The following RBPJ variants were observed in gnomAD, a reference collection of about 807,000 sequenced individuals.
RBPJ encodes the protein recombination signal binding protein for immunoglobulin kappa J region.
A neutral mutation model predicts 67.8 loss-of-function variants in RBPJ; 9 were observed. The observed-to-expected ratio is 0.13, with a 90% CI of 0.08 to 0.23. RBPJ has a LOEUF of 0.23. Ranked by LOEUF, RBPJ falls within the 10% of genes least tolerant of loss-of-function variation. The probability of loss-of-function intolerance (pLI) is 1.00; values close to 1 mark genes in which losing one functional copy is unlikely to be tolerated. For missense variants in RBPJ, 305 were observed against 595.6 expected (o/e 0.51, Z 5.08); for synonymous variants, 198 against 203.3 (o/e 0.97, Z 0.22).
intron 1 of RBPJ, among the ~76,000 whole-genome samples, chr4:26,354,692 G>A (rs561587183): frequency 6.6e-6 from 1 of 151,774 alleles, no homozygotes; most frequent in East Asian, 1.9e-4. Context: ...TCAAATGATC[G>A]GGTCGCCTTG....
chr4:26,380,857 TAGA>T (rs763606005), intron 1 of RBPJ, among the ~76,000 whole-genome samples: 34 of 152,058 alleles, frequency 2.2e-4, no homozygotes, highest in Non-Finnish European at 2.4e-4. Flanking sequence ...CTGTGTTAAA[TAGA>T]AGATTTGTGA....
the RBPJ span, among the ~76,000 whole-genome samples, chr4:26,135,850 G>C: frequency 1.1e-4 from 16 of 152,136 alleles, no homozygotes; most frequent in Admixed American, 9.8e-4. Context: ...GGTCATACCT[G>C]GCAGCTCTGC....
chr4:26,244,174 C>T (rs1326515106), intron 1 of RBPJ, among the ~76,000 whole-genome samples: 2 of 147,490 alleles, frequency 1.4e-5, no homozygotes, highest in African/African-American at 2.5e-5. Context: ...TATATGTATA[C>T]ACATATATGT....
chr4:26,388,701 A>G (rs1731176643), intron 2 of RBPJ, among the ~76,000 whole-genome samples: 1 of 152,206 alleles, frequency 6.6e-6, no homozygotes, highest in Admixed American at 6.5e-5. Context: ...TTCAGAATGG[A>G]CAAAGAGGAG....
In RBPJ at chr4:26,369,281, T is replaced by G. The variant is rs115370055; in HGVS notation, c.21-17072T>G. On this transcript the variant is annotated intron_variant, in intron 1 of 10. Transcript: ENST00000355476. Reference sequence around the variant, plus strand: ...TAGAAATTTGTCATCACTGAACTCTTGTGAGGTGGGGATTGGTACATCTGA... The same window carrying G: ...TAGAAATTTGTCATCACTGAACTCTGGTGAGGTGGGGATTGGTACATCTGA... Among the ~76,000 whole-genome samples the G allele has an allele frequency of 2.1e-3, 322 of 152,350 alleles. 3 individuals are homozygous for G. The highest frequency in any genetic ancestry group is 7.1e-3 in the African/African-American group (296 of 41,582).
chr4:26,205,439 CCTT>C (rs1168869417), intron 1 of RBPJ, among the ~76,000 whole-genome samples: 2 of 152,156 alleles, frequency 1.3e-5, no homozygotes, highest in Non-Finnish European at 2.9e-5. Flanking sequence ...ATTGCCCTCT[CCTT>C]GCCCCACCGC....
intron 2 of RBPJ, among the ~76,000 whole-genome samples, chr4:26,389,089 A>T (rs1731225641): frequency 6.6e-6 from 1 of 151,774 alleles, no homozygotes; most frequent in Non-Finnish European, 1.5e-5. Flanking sequence ...GTTAGCCAGG[A>T]GTTGTGGCAC....
Position 26,264,280 on chromosome 4 carries a change from A to G in RBPJ, c.-166-98166A>G, listed in dbSNP as rs1186847189. On this transcript the variant is annotated intron_variant, in intron 1 of 4. Coordinates refer to the RBPJ transcript ENST00000512351. The surrounding 1 kb of genome is among the most constrained non-coding windows in gnomAD (Gnocchi z 4.1). ...TACTTATTAATTCAAATCAATGAAT[A>G]CTTATTAATTCAGATCTTAGTAATT... Among the ~76,000 whole-genome samples the G allele has an allele frequency of 2.0e-5, 3 of 152,200 alleles. No homozygotes were observed. Among genetic ancestry groups the G allele is most frequent in the African/African-American group, 7.2e-5 (3 of 41,452 alleles).
intron 1 of RBPJ, among the ~76,000 whole-genome samples, chr4:26,325,684 C>T (rs145415732): frequency 3.8e-4 from 58 of 152,332 alleles, no homozygotes; most frequent in African/African-American, 1.3e-3. Flanking sequence ...TCCTCCATAA[C>T]TATTTCATCT....
At chr4:26,253,570 C>T (rs1460272829) in intron 1 of RBPJ, among the ~76,000 whole-genome samples, 3 of 151,338 alleles carry the variant, frequency 2.0e-5, no homozygotes, top group African/African-American at 4.9e-5. Flanking sequence ...CTCGGCCTCC[C>T]AAAGTGCTGG....
intron 1 of RBPJ, among the ~76,000 whole-genome samples, chr4:26,382,716 T>C (rs922218156): frequency 2.0e-5 from 3 of 152,166 alleles, no homozygotes; most frequent in Non-Finnish European, 4.4e-5. Context: ...ATTTTTTGTA[T>C]TTTTAGAAGA....
chr4:26,351,139 C>T (rs1726754120), intron 1 of RBPJ, among the ~76,000 whole-genome samples: 1 of 151,944 alleles, frequency 6.6e-6, no homozygotes, highest in Non-Finnish European at 1.5e-5. Flanking sequence ...TTTGCTCTAC[C>T]TTAATATGCT....
intron 2 of RBPJ, among the ~76,000 whole-genome samples, chr4:26,392,883 G>GAAAAAT (rs1246480544): frequency 2.0e-5 from 3 of 152,288 alleles, no homozygotes; most frequent in East Asian, 3.9e-4. Flanking sequence ...TTCTGAAAGG[G>GAAAAAT]ATTAGTGTAT....
At chr4:26,360,303 C>A (rs1008856903) in intron 1 of RBPJ, among the ~76,000 whole-genome samples, 11 of 152,200 alleles carry the variant, frequency 7.2e-5, no homozygotes, top group Non-Finnish European at 1.0e-4. Context: ...TTCTTCCATT[C>A]ATTCAACAAA....
rs148373937 is a variant in RBPJ at position 26,308,283 on chromosome 4, A to G, written c.-166-54163A>G. 7.2e-3 allele frequency among the ~76,000 whole-genome samples: 1,093 copies of G among 152,332 alleles called. 23 individuals carry two copies. Among genetic ancestry groups the G allele is most frequent in the Admixed American group, 0.023 (358 of 15,292 alleles). On this transcript the variant is annotated intron_variant, in intron 1 of 4. Coordinates refer to the RBPJ transcript ENST00000512351. Reference sequence around the variant, plus strand: ...AGAGCAAGACTCCATCTCAAAAAAAAAAAAGAGTTTCTCTAATGCATTTTA... The same window carrying G: ...AGAGCAAGACTCCATCTCAAAAAAAGAAAAGAGTTTCTCTAATGCATTTTA...
chr4:26,255,101 C>T (rs867951290), intron 1 of RBPJ, among the ~76,000 whole-genome samples: 25 of 147,052 alleles, frequency 1.7e-4, no homozygotes, highest in African/African-American at 6.4e-4. Context: ...ATAACATATC[C>T]TGCCCTAGAA....
chr4:26,246,140 G>A (rs2109229358), intron 1 of RBPJ, among the ~76,000 whole-genome samples: 1 of 152,284 alleles, frequency 6.6e-6, no homozygotes, highest in Middle Eastern at 3.4e-3. Context: ...TGAGTCTGTG[G>A]ATCAATTTGG....
chr4:26,258,409 A>T (rs1432968090), intron 1 of RBPJ, among the ~76,000 whole-genome samples: 1 of 152,238 alleles, frequency 6.6e-6, no homozygotes, highest in Non-Finnish European at 1.5e-5. Context: ...GTGCGTGAAT[A>T]GATGTACTGG....
intron 2 of RBPJ, among the ~76,000 whole-genome samples, chr4:26,387,314 A>G (rs773408242): frequency 2.0e-5 from 3 of 152,344 alleles, no homozygotes; most frequent in South Asian, 2.1e-4. Context: ...TTGGTTATCA[A>G]GGTAAATAAT....
Sources: gnomAD v4.1 joint callset for allele counts (sites outside exome capture counted in the v4.1 genomes callset) on GRCh38, gnomAD v4.1.1 for gene constraint, Gnocchi (gnomAD v3.1) non-coding constraint, MANE v1.5 for transcripts, NCBI Gene and HGNC (gene_info 2026-07-23, HGNC 2026-07-21) for gene names.